The following STARD9 variants were observed in gnomAD, a reference collection of about 807,000 sequenced individuals.
STARD9 encodes the protein stAR-related lipid transfer protein 9.
In STARD9, 346 loss-of-function variants were observed where a neutral mutation model predicts 399.8. The ratio of observed to expected loss-of-function variants is 0.87; its 90% CI spans 0.79 to 0.95. The LOEUF (loss-of-function observed/expected upper bound fraction) is 0.95, where lower values mean the gene tolerates loss of function less well. Among genes scored for constraint, STARD9 ranks in the 40% least tolerant of loss-of-function variants. The pLI is 0.00. For synonymous variants in STARD9, 2,203 were observed against 2,143.5 expected, an observed-to-expected ratio of 1.03 and a Z score of -0.77; for missense variants, 5,832 against 5,667.5, an observed-to-expected ratio of 1.03 and a Z score of -0.93.
chr15:42,696,914 G>T (rs980940932), intron 26 of STARD9, among the ~76,000 whole-genome samples: 1 of 152,202 alleles, frequency 6.6e-6, no homozygotes, highest in South Asian at 2.1e-4. Context: ...TGAGTTGAAG[G>T]TGCCTGTGAG....
At chr15:42,651,661 C>T (rs552442784) in intron 8 of STARD9, among the ~76,000 whole-genome samples, 1 of 151,938 alleles carries the variant, frequency 6.6e-6, no homozygotes, top group Non-Finnish European at 1.5e-5. Context: ...GTAAAAAGGT[C>T]TTTAGAGCCT....
In STARD9 at chr15:42,684,216, G is replaced by T. The variant is rs2060495191; in HGVS notation, c.2638G>T (p.Ala880Ser). ...KTSSEEHLPQ[A>S]ASYPARTGCL... ...ATCATCAGAAGAGCATTTGCCACAG[G>T]CTGCTTCCTACCCTGCAAGGACAGG... Residue 880 changes from alanine (A) to serine (S), a missense_variant, in exon 23 of 33, where the codon GCT becomes TCT. By Grantham distance (99) the Ala-to-Ser change is moderately conservative. This residue lies in a region of STARD9 where 5,828 missense variants were observed against 5,651.1 expected (regional missense o/e 1.03). Coordinates refer to ENST00000290607, the MANE Select transcript of STARD9 (RefSeq NM_020759.3). The T allele has an allele frequency of 6.5e-7, 1 of 1,537,236 alleles. No individual in the cohort carries two copies. The highest frequency in any genetic ancestry group is 1.2e-5 in the South Asian group (1 of 84,062).
chr15:42,686,611 A>G lies in STARD9; in HGVS notation c.5033A>G (p.Asn1678Ser). Residue 1678 changes from asparagine to serine, a missense_variant, in exon 23 of 33, where the codon AAT becomes AGT. Asn to Ser is a conservative substitution (Grantham distance 46). Coordinates refer to ENST00000290607, the MANE Select transcript of STARD9 (RefSeq NM_020759.3). Reference protein sequence around the residue: ...WSQGWAPLRKNSAVQPGQLSP... With the variant: ...WSQGWAPLRKSSAVQPGQLSP... ...CAAGGCTGGGCTCCTCTCAGGAAAA[A>G]TAGTGCAGTCCAGCCAGGGCAATTA... 2 of 1,537,346 alleles carry G rather than the reference A, an allele frequency of 1.3e-6. No individual in the cohort carries two copies. The highest frequency in any genetic ancestry group is 1.7e-6 in the Non-Finnish European group (2 of 1,146,962).
rs925312388 is a variant in STARD9 at position 42,692,969 on chromosome 15, C to T, written c.11391C>T (p.Leu3797=). The T allele has an allele frequency of 4.6e-6, 7 of 1,537,212 alleles. No homozygotes were observed. In the South Asian group the frequency reaches 7.1e-5, roughly 16 times the overall value. ...AAACAGCACAGAAAATGGCTCAGCTCCTCTATCTTCAGGAAGAAAGCACTC... is the reference window on the plus strand; with the variant it reads ...AAACAGCACAGAAAATGGCTCAGCTTCTCTATCTTCAGGAAGAAAGCACTC... ...AEETAQKMAQ[L]LYLQEESTPY... is the part of the protein sequence containing the mutation. Residue 3797 remains leucine (L), a synonymous_variant, in exon 23 of 33, where the codon CTC becomes CTT. Transcript: ENST00000290607.
At chr15:42,577,691 A>C (rs1358321965) in intron 1 of STARD9, among the ~76,000 whole-genome samples, 1 of 152,224 alleles carries the variant, frequency 6.6e-6, no homozygotes, top group African/African-American at 2.4e-5. Flanking sequence ...GCAGATACAG[A>C]TAAACCCAGT....
At chr15:42,664,422 A>G (rs57298545) in intron 13 of STARD9, among the ~76,000 whole-genome samples, 41,873 of 152,060 alleles carry the variant, frequency 0.28, 7,256 homozygotes, top group African/African-American at 0.49. Flanking sequence ...GGAGTGCAGC[A>G]GCACTATTGT....
rs1435075159 is a variant in STARD9, at chr15:42,638,668, TAA to T, written c.447-31_447-30del. ...GTTGTTTCTACTTTTTTTCAAAATA[TAA>T]TTATGTTGCCTTTTTCTACTTAACT... On this transcript the variant is annotated intron_variant, in intron 6 of 32. Transcript: ENST00000290607. The T allele has an allele frequency of 4.9e-6, 7 of 1,432,148 alleles. No homozygotes were observed. In the Admixed American group the frequency reaches 6.6e-5, roughly 13 times the overall value. The allele number at this position is 1,432,148 out of a possible 1,614,324, so 88.7% of individuals were successfully genotyped here. A position where few individuals can be genotyped will look rare whatever the true frequency, so the allele number is the denominator to read the frequency against.
At chr15:42,601,003 A>C (rs1208482396) in intron 3 of STARD9, among the ~76,000 whole-genome samples, 1 of 152,000 alleles carries the variant, frequency 6.6e-6, no homozygotes, top group African/African-American at 2.4e-5. Flanking sequence ...TACTAGGCAG[A>C]GAGCCCTGCC....
intron 3 of STARD9, among the ~76,000 whole-genome samples, chr15:42,618,754 G>T (rs1036463093): frequency 1.3e-5 from 2 of 151,628 alleles, no homozygotes; most frequent in Non-Finnish European, 2.9e-5. Context: ...GCACCAGCAC[G>T]CCTGGCTAAT....
At position 42,583,291 on chromosome 15, in the gene STARD9, C is replaced by CT. The variant is rs1451494203; in HGVS notation, c.48-49dup. 20 of 1,408,052 alleles carry CT rather than the reference C, an allele frequency of 1.4e-5. No homozygotes were observed. In the African/African-American group the frequency reaches 2.7e-4, roughly 19 times the overall value. The allele number at this position is 1,408,052 out of a possible 1,614,324, so 87.2% of individuals were successfully genotyped here. On this transcript the variant is annotated intron_variant, in intron 1 of 32. Transcript: ENST00000290607. ...GTCCCACTAGCACTGGTTTTAGGCTCTTTTTTCTTGATTTTAAAAACAACA... is the reference window on the plus strand; with the variant it reads ...GTCCCACTAGCACTGGTTTTAGGCTCTTTTTTTCTTGATTTTAAAAACAACA...
Position 42,627,538 on chromosome 15 carries a change from C to G in STARD9, c.235-7318C>G, listed in dbSNP as rs191839416. Among the ~76,000 whole-genome samples the G allele has an allele frequency of 2.6e-5, 4 of 152,206 alleles. No individual in the cohort carries two copies. The East Asian group carries it at 5.8e-4, about 22-fold the overall frequency. Reference sequence around the variant, plus strand: ...CACGTTATGCTATCAAATACTGGATCTTACTCATTTTGTCTAACTTTTTTT... The same window carrying G: ...CACGTTATGCTATCAAATACTGGATGTTACTCATTTTGTCTAACTTTTTTT... On this transcript the variant is annotated intron_variant, in intron 3 of 32. Coordinates refer to ENST00000290607, the MANE Select transcript of STARD9 (RefSeq NM_020759.3).
chr15:42,609,443 CT>C (rs879543760), intron 3 of STARD9, among the ~76,000 whole-genome samples: 1,754 of 142,032 alleles, frequency 0.012, 14 homozygotes, highest in African/African-American at 0.032. Flanking sequence ...ATTTTTAAAA[CT>C]TTTTTTTTTT....
intron 2 of STARD9, 100 bp downstream of exon 2, chr15:42,583,515 G>A: frequency 1.3e-6 from 1 of 787,376 alleles, no homozygotes; most frequent in Non-Finnish European, 2.1e-6. Context: ...GTTTAGAGTT[G>A]GGGAGGAAGG....
At chr15:42,699,888 GGA>G (rs1243363523) in intron 26 of STARD9, among the ~76,000 whole-genome samples, 3 of 151,934 alleles carry the variant, frequency 2.0e-5, no homozygotes, top group Non-Finnish European at 4.4e-5. Context: ...TGTATTTTTA[GGA>G]GAGACGGGTT....
intron 3 of STARD9, among the ~76,000 whole-genome samples, chr15:42,598,478 AT>A (rs1228738549): frequency 1.3e-5 from 2 of 151,966 alleles, no homozygotes; most frequent in African/African-American, 4.8e-5. Context: ...AATTTTTAAA[AT>A]ATTTACATAT....
At position 42,688,214 on chromosome 15, in the gene STARD9, G is replaced by A. The variant is rs1267586644; in HGVS notation, c.6636G>A (p.Leu2212=). ...RMKALARALP[L]QPRLERSSKN... ...AAGCATTGGCTAGAGCTCTGCCATT[G>A]CAACCCAGGCTAGAGAGGTCTTCTA... The change falls in exon 23 of 33, where the codon TTG becomes TTA. Residue 2212 remains leucine (L), a synonymous_variant. Coordinates refer to ENST00000290607, the MANE Select transcript of STARD9 (RefSeq NM_020759.3). 1 of 1,537,458 alleles carries A rather than the reference G, an allele frequency of 6.5e-7. No individual in the cohort carries two copies. The highest frequency in any genetic ancestry group is 1.2e-5 in the South Asian group (1 of 84,052).
At chr15:42,575,828 C>A (rs545978244) in intron 1 of STARD9, 66 bp downstream of exon 1, 31 of 1,477,886 alleles carry the variant, frequency 2.1e-5, no homozygotes, top group Non-Finnish European at 2.8e-5. Flanking sequence ...AGGTCCGCGT[C>A]TCCCCCTGCA....
rs920776624 is a variant in STARD9, at chr15:42,688,776, T to A, written c.7198T>A (p.Ser2400Thr). 2 of 1,537,566 alleles carry A rather than the reference T, an allele frequency of 1.3e-6. No individual in the cohort carries two copies. Among genetic ancestry groups the A allele is most frequent in the Non-Finnish European group, 1.7e-6 (2 of 1,146,978 alleles). ...CCCCGAAGGAAATGTTAGAGGGCGTTCCTCTGAGGCACACACTGCCTGGTG... is the reference window on the plus strand; with the variant it reads ...CCCCGAAGGAAATGTTAGAGGGCGTACCTCTGAGGCACACACTGCCTGGTG... ...HSPEGNVRGR[S>T]SEAHTAWCGS... The change falls in exon 23 of 33, where the codon TCC becomes ACC. Residue 2400 changes from serine (S) to threonine (T), a missense_variant. Around this residue, in one of 2 missense-constraint regions of STARD9, gnomAD observed 5,828 missense variants for 5,651.1 expected, o/e 1.03. Transcript: ENST00000290607.
chr15:42,582,227 A>G (rs1278621684), intron 1 of STARD9, among the ~76,000 whole-genome samples: 1 of 152,222 alleles, frequency 6.6e-6, no homozygotes, highest in Non-Finnish European at 1.5e-5. Context: ...TAGCCTGGGA[A>G]GCCTGAGGAA....
Sources: gnomAD v4.1 joint callset for allele counts (sites outside exome capture counted in the v4.1 genomes callset) on GRCh38, gnomAD v4.1.1 for gene constraint, gnomAD v4.1.1 regional missense constraint, MANE v1.5 for transcripts, NCBI Gene and HGNC (gene_info 2026-07-23, HGNC 2026-07-21) for gene names.